The following PSAT1 variants were observed in gnomAD, a reference collection of about 807,000 sequenced individuals.
PSAT1 encodes phosphoserine aminotransferase 1.
A neutral mutation model predicts 40.3 loss-of-function variants in PSAT1; 41 were observed. The ratio of observed to expected loss-of-function variants is 1.02; its 90% CI spans 0.79 to 1.32. The LOEUF (loss-of-function observed/expected upper bound fraction) is 1.32, where lower values mean the gene tolerates loss of function less well. Among genes scored for constraint, PSAT1 ranks in the 40% most tolerant of loss-of-function variants. The pLI, the probability that PSAT1 is intolerant of heterozygous loss-of-function variation, is 0.00. For missense variants in PSAT1, 406 were observed against 455.8 expected (o/e 0.89, Z 0.99); for synonymous variants, 147 against 170.5 (o/e 0.86, Z 1.07).
chr9:78,310,197 T>A (rs7874774), intron 6 of PSAT1, among the ~76,000 whole-genome samples: 1 of 151,998 alleles, frequency 6.6e-6, no homozygotes, highest in African/African-American at 2.4e-5. Context: ...TCCTCCCAAC[T>A]ACCCTAGTAG....
intron 7 of PSAT1, among the ~76,000 whole-genome samples, chr9:78,320,746 AG>A (rs1260648137): frequency 6.6e-6 from 1 of 150,812 alleles, no homozygotes; most frequent in African/African-American, 2.4e-5. Context: ...GCCTTGTTCT[AG>A]GCTCCTGGAA....
At chr9:78,310,303 T>C (rs7874921) in intron 6 of PSAT1, among the ~76,000 whole-genome samples, 43,867 of 152,064 alleles carry the variant, frequency 0.29, 6,527 homozygotes, top group East Asian at 0.45. Context: ...ACCCAGGCCA[T>C]CTGACTCTAG....
chr9:78,324,245 G>A (rs568457947), intron 7 of PSAT1, among the ~76,000 whole-genome samples: 253 of 152,302 alleles, frequency 1.7e-3, no homozygotes, highest in African/African-American at 5.8e-3. Context: ...CAGGAAGTCA[G>A]GAGTGAGGAG....
chr9:78,308,651 A>G, intron 6 of PSAT1, 68 bp downstream of exon 6: 1 of 1,576,902 alleles, frequency 6.3e-7, no homozygotes, highest in East Asian at 2.2e-5. Context: ...AGCGGAGGTT[A>G]CATTTTAAAA....
chr9:78,315,097 GCA>G (rs1312889439), intron 6 of PSAT1, among the ~76,000 whole-genome samples: 1 of 152,164 alleles, frequency 6.6e-6, no homozygotes, highest in Admixed American at 6.5e-5. Flanking sequence ...TGTCTGGAAT[GCA>G]CACCCACGTG....
chr9:78,305,585 A>G (rs781103403), intron 4 of PSAT1, among the ~76,000 whole-genome samples: 19 of 152,138 alleles, frequency 1.2e-4, no homozygotes, highest in Non-Finnish European at 2.1e-4. Context: ...CCCTTTCTTG[A>G]AAGGTGGCTG....
At position 78,308,728 on chromosome 9, in the gene PSAT1, G is replaced by A. The variant is rs1828223068; in HGVS notation, c.740+145G>A. ...CTTAGCAATTTGGGAGGCTGAGGTG[G>A]ATGGACCACTTGAGGTCAGGAGCTA... On this transcript the variant is annotated intron_variant, in intron 6 of 8. Coordinates refer to ENST00000376588, the MANE Select transcript of PSAT1 (RefSeq NM_058179.4). 4 of 913,070 alleles carry A rather than the reference G, an allele frequency of 4.4e-6. No individual in the cohort carries two copies. The South Asian group carries it at 5.0e-5, about 11-fold the overall frequency. 56.6% of individuals were successfully genotyped at this position (913,070 alleles called of 1,614,324 possible). A position where few individuals can be genotyped will look rare whatever the true frequency, so the allele number is the denominator to read the frequency against.
At chr9:78,320,467 T>TCATTCACCCTTCCACCTATCTACC (rs1828412996) in intron 7 of PSAT1, among the ~76,000 whole-genome samples, 1 of 150,418 alleles carries the variant, frequency 6.6e-6, no homozygotes, top group Non-Finnish European at 1.5e-5. Context: ...ACCCATCTAT[T>TCATTCACCCTTCCACCTATCTACC]CATTCACCCT....
chr9:78,301,885 G>C (rs114600252), intron 2 of PSAT1, 69 bp from the exon 3 acceptor site: 7 of 1,222,250 alleles, frequency 5.7e-6, no homozygotes, highest in Non-Finnish European at 8.5e-6. Flanking sequence ...TGCAAATTTC[G>C]TAGGTATTTC....
At chr9:78,315,732 T>G (rs902249218) in intron 6 of PSAT1, among the ~76,000 whole-genome samples, 50 of 152,340 alleles carry the variant, frequency 3.3e-4, no homozygotes, top group African/African-American at 1.2e-3. Flanking sequence ...TGAGCTGGCA[T>G]GAGCCACTGC....
At chr9:78,326,955 A>ATATATATATATTTTTTTTTTTTTT in intron 7 of PSAT1, among the ~76,000 whole-genome samples, 3 of 75,934 alleles carry the variant, frequency 4.0e-5, no homozygotes, top group African/African-American at 2.8e-4. Flanking sequence ...ATATATATAT[A>ATATATATATATTTTTTTTTTTTTT]TTTTTTTTTT....
intron 1 of PSAT1, 146 bp from the exon 2 acceptor site, chr9:78,300,456 A>G (rs1828090400): frequency 3.8e-5 from 38 of 1,006,728 alleles, no homozygotes; most frequent in Non-Finnish European, 5.0e-5. Context: ...GGACATGGGA[A>G]GGAAGGAGAC....
intron 6 of PSAT1, among the ~76,000 whole-genome samples, chr9:78,315,777 G>A (rs1587642644): frequency 6.6e-6 from 1 of 152,230 alleles, no homozygotes; most frequent in Non-Finnish European, 1.5e-5. Context: ...GACAGTGAAT[G>A]AGCCAGTTGG....
intron 8 of PSAT1, 39 bp from the exon 9 acceptor site, chr9:78,328,942 C>T (rs764813250): frequency 2.4e-5 from 36 of 1,515,220 alleles, no homozygotes; most frequent in Admixed American, 3.3e-5. Context: ...CGAAATTAGA[C>T]GTTTTTGTTC....
intron 7 of PSAT1, among the ~76,000 whole-genome samples, chr9:78,323,362 A>G (rs944883694): frequency 1.3e-5 from 2 of 152,174 alleles, no homozygotes; most frequent in African/African-American, 4.8e-5. Context: ...TTTGACCCCA[A>G]GGAGTTTGAG....
At chr9:78,320,500 T>C (rs1032193777) in intron 7 of PSAT1, among the ~76,000 whole-genome samples, 1 of 146,178 alleles carries the variant, frequency 6.8e-6, no homozygotes, top group Non-Finnish European at 1.5e-5. Flanking sequence ...CCCATCTATC[T>C]ATCCATCCAT....
chr9:78,297,294 G>C (rs1256167144), intron 1 of PSAT1, 24 bp downstream of exon 1: 6 of 1,586,866 alleles, frequency 3.8e-6, no homozygotes, highest in Non-Finnish European at 5.1e-6. Flanking sequence ...AGCGGGCGCC[G>C]GGAGTGAGGT....
chr9:78,323,557 G>A (rs953864131), intron 7 of PSAT1, among the ~76,000 whole-genome samples: 1 of 152,104 alleles, frequency 6.6e-6, no homozygotes, highest in Non-Finnish European at 1.5e-5. Context: ...TCCAGCCTGG[G>A]TGACAGAGTG....
intron 8 of PSAT1, 114 bp downstream of exon 8, chr9:78,328,302 G>C (rs1037938008): frequency 3.8e-6 from 5 of 1,328,770 alleles, no homozygotes; most frequent in Non-Finnish European, 5.3e-6. Context: ...TATGTAATTT[G>C]TTGGGCCAAC....
Sources: allele counts gnomAD v4.1 joint callset (sites outside exome capture counted in the v4.1 genomes callset), GRCh38; gene constraint gnomAD v4.1.1; transcripts MANE v1.5; gene names NCBI Gene and HGNC (gene_info 2026-07-23, HGNC 2026-07-21).